VCF1: variants seen among roughly 807,000 people sequenced by gnomAD.
The protein encoded by VCF1 is VCP nuclear cofactor family member 1.
chr17:73,209,845 C>G, the VCF1 span: 1 of 1,516,430 alleles, frequency 6.6e-7, no homozygotes, highest in Non-Finnish European at 8.8e-7. Context: ...TCATGTACAG[C>G]GCTCTATTAA....
At chr17:73,209,715 A>G in the VCF1 span, 943,295 of 1,545,668 alleles carry the variant, frequency 0.61, 289,061 homozygotes, top group Middle Eastern at 0.65. Flanking sequence ...TGTCCGGGCT[A>G]TTGATGCTGC....
At chr17:73,216,753 T>G in the VCF1 span, among the ~76,000 whole-genome samples, 1 of 152,130 alleles carries the variant, frequency 6.6e-6, no homozygotes, top group Non-Finnish European at 1.5e-5. Flanking sequence ...TGAAGTTCAT[T>G]TTCTTAGTCC....
the VCF1 span, among the ~76,000 whole-genome samples, chr17:73,226,322 TC>T: frequency 6.6e-6 from 1 of 152,236 alleles, no homozygotes; most frequent in Non-Finnish European, 1.5e-5. Flanking sequence ...TCCTGATTTT[TC>T]CCCCTTGGGG....
chr17:73,221,085 G>C, the VCF1 span, among the ~76,000 whole-genome samples: 25 of 150,906 alleles, frequency 1.7e-4, no homozygotes, highest in Non-Finnish European at 3.5e-4. Flanking sequence ...TTTTAGTAGA[G>C]ACGGGGTTTC....
the VCF1 span, among the ~76,000 whole-genome samples, chr17:73,222,197 CAA>C: frequency 2.4e-5 from 3 of 125,994 alleles, no homozygotes; most frequent in African/African-American, 3.0e-5. Flanking sequence ...GACCCTGTCT[CAA>C]AAAAAAAAAA....
At chr17:73,211,892 G>A in the VCF1 span, among the ~76,000 whole-genome samples, 28 of 152,226 alleles carry the variant, frequency 1.8e-4, no homozygotes, top group African/African-American at 3.4e-4. Context: ...TTATCTGGGC[G>A]TGGTGGCTCG....
At chr17:73,209,770 TGGAA>T in the VCF1 span, 1 of 1,540,538 alleles carries the variant, frequency 6.5e-7, no homozygotes, top group Non-Finnish European at 8.7e-7. Flanking sequence ...GCCTGAAGAC[TGGAA>T]GGAAGAAGAA....
At chr17:73,219,377 G>C in the VCF1 span, among the ~76,000 whole-genome samples, 2 of 151,532 alleles carry the variant, frequency 1.3e-5, no homozygotes, top group Admixed American at 6.6e-5. Flanking sequence ...TCGGCTGGGC[G>C]CGGTGGCTCA....
the VCF1 span, among the ~76,000 whole-genome samples, chr17:73,223,225 G>T: frequency 6.6e-6 from 1 of 152,158 alleles, no homozygotes; most frequent in African/African-American, 2.4e-5. Flanking sequence ...GCTGAGGCAG[G>T]ATAATCGCTT....
chr17:73,212,681 G>T, the VCF1 span: 1 of 1,595,152 alleles, frequency 6.3e-7, no homozygotes, highest in Non-Finnish European at 8.5e-7. Flanking sequence ...AACCCACCGC[G>T]CAGAACGCTT....
At chr17:73,210,576 G>C in the VCF1 span, among the ~76,000 whole-genome samples, 1 of 151,550 alleles carries the variant, frequency 6.6e-6, no homozygotes, top group Middle Eastern at 3.5e-3. Context: ...TGACACGAAG[G>C]ACCCATTTCA....
At chr17:73,209,510 G>A in the VCF1 span, 2 of 1,569,474 alleles carry the variant, frequency 1.3e-6, no homozygotes, top group East Asian at 2.3e-5. Context: ...TTCACAGAAG[G>A]CAAGAAACTG....
chr17:73,229,739 G>C, the VCF1 span: 2 of 223,508 alleles, frequency 8.9e-6, no homozygotes, highest in Non-Finnish European at 1.5e-5. Flanking sequence ...GTGGTGGCGT[G>C]TGCCTGTAAT....
the VCF1 span, among the ~76,000 whole-genome samples, chr17:73,230,140 TAC>T: frequency 7.2e-5 from 11 of 152,006 alleles, no homozygotes; most frequent in African/African-American, 2.7e-4. Flanking sequence ...CTACCAAAAA[TAC>T]ACAGATTAGC....
chr17:73,208,720 A>C, the VCF1 span: 27 of 484,168 alleles, frequency 5.6e-5, no homozygotes, highest in South Asian at 1.6e-4. Context: ...ACAAGGTGGA[A>C]TTGTCAATGA....
chr17:73,219,015 G>A, the VCF1 span, among the ~76,000 whole-genome samples: 8 of 150,584 alleles, frequency 5.3e-5, no homozygotes, highest in Admixed American at 2.0e-4. Context: ...GCGAGACTCC[G>A]TCTCAAAAAA....
chr17:73,224,992 C>T, the VCF1 span, among the ~76,000 whole-genome samples: 2 of 53,196 alleles, frequency 3.8e-5, no homozygotes, highest in East Asian at 6.9e-4. Flanking sequence ...CAGCACAGCA[C>T]AGGACAGGAC....
chr17:73,216,088 T>C, the VCF1 span, among the ~76,000 whole-genome samples: 2 of 152,092 alleles, frequency 1.3e-5, no homozygotes, highest in Non-Finnish European at 2.9e-5. Context: ...CTCAGGTCTA[T>C]ACTTACGAGT....
chr17:73,214,325 A>G, the VCF1 span, among the ~76,000 whole-genome samples: 3 of 152,146 alleles, frequency 2.0e-5, no homozygotes, highest in Admixed American at 1.3e-4. Context: ...TTAAAAAAAA[A>G]AAAAAAGGAC....
Sources: allele counts gnomAD v4.1 joint callset (sites outside exome capture counted in the v4.1 genomes callset), GRCh38; gene constraint gnomAD v4.1.1; transcripts MANE v1.5; gene names NCBI Gene and HGNC (gene_info 2026-07-23, HGNC 2026-07-21).